The following RBMS3 variants were observed in gnomAD, a reference collection of about 807,000 sequenced individuals.
The protein encoded by RBMS3 is RNA binding motif single stranded interacting protein 3.
RBMS3 carries 27 observed loss-of-function variants against 66.8 expected under a neutral mutation model. That is an observed-to-expected ratio of 0.40 (90% CI 0.30 to 0.56). The LOEUF is 0.56. RBMS3 is among the 20% of genes least tolerant of loss of function. The pLI is 0.40. For synonymous variants in RBMS3, 188 were observed against 183.0 expected (o/e 1.03, Z -0.22); for missense variants, 513 against 549.5 (o/e 0.93, Z 0.66).
intron 1 of RBMS3, among the ~76,000 whole-genome samples, chr3:29,398,657 A>G (rs568503383): frequency 2.0e-5 from 3 of 152,190 alleles, no homozygotes; most frequent in Non-Finnish European, 4.4e-5. Flanking sequence ...GTTGGTGACC[A>G]GGATGTCTAG....
chr3:29,298,498 T>A (rs975575827), intron 1 of RBMS3, among the ~76,000 whole-genome samples: 1 of 151,938 alleles, frequency 6.6e-6, no homozygotes, highest in Non-Finnish European at 1.5e-5. Context: ...TTTGCTTTCT[T>A]CCTTTTTAAT....
In RBMS3 at chr3:29,420,947, G is replaced by GAAAAAA. The variant is rs397757488; in HGVS notation, c.76-13785_76-13780dup. Among the ~76,000 whole-genome samples the GAAAAAA allele has an allele frequency of 8.8e-5, 11 of 125,478 alleles. No homozygotes were observed. The East Asian group carries it at 2.6e-3, about 30-fold the overall frequency. 82.3% of individuals were successfully genotyped at this position (125,478 alleles called of 152,430 possible). On this transcript the variant is annotated intron_variant, in intron 1 of 14. Coordinates refer to ENST00000383767, the MANE Select transcript of RBMS3 (RefSeq NM_001003793.3). ...GTGAAACCCCGTCTCTACTAAAAAT[G>GAAAAAA]AAAAAAAAAAAAAAAATTAACTGGG...
chr3:29,833,710 G>A (rs779565505), intron 6 of RBMS3, among the ~76,000 whole-genome samples: 4 of 151,906 alleles, frequency 2.6e-5, no homozygotes, highest in African/African-American at 7.3e-5. Context: ...GAAAGCAAAC[G>A]GTCACTGTAT....
chr3:29,684,984 T>C (rs1357813100), intron 4 of RBMS3, among the ~76,000 whole-genome samples: 1 of 152,208 alleles, frequency 6.6e-6, no homozygotes, highest in Non-Finnish European at 1.5e-5. Flanking sequence ...TATGTGTGTA[T>C]GTGTGTAAGT....
intron 4 of RBMS3, among the ~76,000 whole-genome samples, chr3:29,658,012 G>A (rs1199318818): frequency 1.3e-5 from 2 of 152,186 alleles, no homozygotes; most frequent in African/African-American, 4.8e-5. Flanking sequence ...AGGCCGTAGA[G>A]TGTAGTGTTT....
chr3:29,293,231 T>C (rs567936666), intron 1 of RBMS3, among the ~76,000 whole-genome samples: 2 of 151,512 alleles, frequency 1.3e-5, no homozygotes, highest in African/African-American at 4.8e-5. Context: ...TCATATACGA[T>C]CTGTATGTGC....
At chr3:29,716,417 G>A (rs184720330) in intron 4 of RBMS3, among the ~76,000 whole-genome samples, 24 of 152,148 alleles carry the variant, frequency 1.6e-4, no homozygotes, top group Admixed American at 9.2e-4. Flanking sequence ...GCAAGTCATC[G>A]TTTCTATGTT....
intron 1 of RBMS3, among the ~76,000 whole-genome samples, chr3:29,347,520 TATGGG>T: frequency 6.6e-6 from 1 of 152,194 alleles, no homozygotes; most frequent in Non-Finnish European, 1.5e-5. Flanking sequence ...AGTTATTATC[TATGGG>T]TGTGTGCATT....
chr3:29,359,280 C>T (rs113493160), intron 1 of RBMS3, among the ~76,000 whole-genome samples: 33,600 of 152,028 alleles, frequency 0.22, 4,665 homozygotes, highest in Non-Finnish European at 0.3. Flanking sequence ...TTGTCAAAGG[C>T]CTTTTCTGCA....
chr3:29,859,731 C>A (rs1435716109), intron 6 of RBMS3, among the ~76,000 whole-genome samples: 2 of 152,210 alleles, frequency 1.3e-5, no homozygotes, highest in African/African-American at 4.8e-5. Flanking sequence ...CAAATAGCTT[C>A]CTTTGCCATA....
intron 4 of RBMS3, among the ~76,000 whole-genome samples, chr3:29,682,564 T>C (rs2051545186): frequency 6.6e-6 from 1 of 152,166 alleles, no homozygotes; most frequent in African/African-American, 2.4e-5. Flanking sequence ...CCAAGATTTC[T>C]TACAGTTTTT....
chr3:29,623,172 G>T (rs56090300), intron 4 of RBMS3, among the ~76,000 whole-genome samples: 4,746 of 47,818 alleles, frequency 0.099, 322 homozygotes, highest in African/African-American at 0.3. Context: ...AAATTAACTT[G>T]GGGGGGGGGG....
At chr3:29,284,866 T>TTTC (rs1553626449) in intron 1 of RBMS3, among the ~76,000 whole-genome samples, 54 of 131,908 alleles carry the variant, frequency 4.1e-4, no homozygotes, top group African/African-American at 1.4e-3. Flanking sequence ...ATTTTTCTTT[T>TTTC]TTTTTTTTTT....
At chr3:29,816,785 G>A (rs2057917178) in intron 6 of RBMS3, among the ~76,000 whole-genome samples, 1 of 152,064 alleles carries the variant, frequency 6.6e-6, no homozygotes, top group African/African-American at 2.4e-5. Flanking sequence ...ATCCCAACTG[G>A]CACCTAAGTA....
intron 3 of RBMS3, among the ~76,000 whole-genome samples, chr3:29,511,696 C>T (rs1407228455): frequency 6.6e-6 from 1 of 152,110 alleles, no homozygotes; most frequent in Non-Finnish European, 1.5e-5. Flanking sequence ...AATAACACCC[C>T]TTTTGCCTTT....
chr3:29,335,532 T>A (rs944885349), intron 1 of RBMS3, among the ~76,000 whole-genome samples: 4 of 152,194 alleles, frequency 2.6e-5, no homozygotes, highest in Non-Finnish European at 5.9e-5. Context: ...ACACAGCAAA[T>A]GTGCTTAAAG....
chr3:29,591,003 T>C (rs1413353286), intron 4 of RBMS3, among the ~76,000 whole-genome samples: 1 of 152,172 alleles, frequency 6.6e-6, no homozygotes, highest in Admixed American at 6.6e-5. Context: ...TAAAGGTTTT[T>C]CCAGAATCTC....
intron 4 of RBMS3, among the ~76,000 whole-genome samples, chr3:29,704,672 C>G (rs890548298): frequency 1.3e-5 from 2 of 152,172 alleles, no homozygotes; most frequent in African/African-American, 4.8e-5. Context: ...TTCCTTAGCT[C>G]TGCAGTTGCA....
intron 4 of RBMS3, among the ~76,000 whole-genome samples, chr3:29,668,271 A>T (rs911121518): frequency 2.6e-5 from 4 of 152,216 alleles, no homozygotes; most frequent in Admixed American, 1.3e-4. Context: ...GGCCAACCAA[A>T]ACTGAGGAGC....
Sources: gnomAD v4.1 joint callset for allele counts (sites outside exome capture counted in the v4.1 genomes callset) on GRCh38, gnomAD v4.1.1 for gene constraint, MANE v1.5 for transcripts, NCBI Gene and HGNC (gene_info 2026-07-23, HGNC 2026-07-21) for gene names.